Variants in TET3 observed in about 807,000 individuals in gnomAD.
The protein encoded by TET3 is tet methylcytosine dioxygenase 3, also known as methylcytosine dioxygenase TET3.
Under a neutral mutation model 141.4 loss-of-function variants are expected in TET3, and 19 were observed. The observed-to-expected ratio is 0.13, with a 90% CI of 0.09 to 0.20. The LOEUF (loss-of-function observed/expected upper bound fraction) is 0.20. TET3 is among the 10% of genes least tolerant of loss of function. The probability of loss-of-function intolerance (pLI) is 1.00; values close to 1 mark genes in which losing one functional copy is unlikely to be tolerated. For synonymous variants in TET3, 1,043 were observed against 980.9 expected (o/e 1.06, Z -1.18); for missense variants, 1,874 against 2,356.9 (o/e 0.80, Z 4.24).
intron 4 of TET3, among the ~76,000 whole-genome samples, chr2:74,055,706 C>T (rs1017932585): frequency 6.6e-6 from 1 of 152,110 alleles, no homozygotes; most frequent in African/African-American, 2.4e-5. Context: ...GAGAGAGTGG[C>T]CTTTAAGAGG....
At chr2:74,012,361 A>T (rs1235611736) in intron 3 of TET3, among the ~76,000 whole-genome samples, 1 of 152,268 alleles carries the variant, frequency 6.6e-6, no homozygotes, top group Non-Finnish European at 1.5e-5. Context: ...AAATGGAGTC[A>T]TGCTGCATTG....
chr2:74,007,820 T>TGTTTTTC (rs1324327833), intron 3 of TET3, among the ~76,000 whole-genome samples: 3 of 152,236 alleles, frequency 2.0e-5, no homozygotes, highest in Non-Finnish European at 4.4e-5. Flanking sequence ...GTTTGTTTTT[T>TGTTTTTC]GTTTTTCAGT....
At position 74,087,807 on chromosome 2, in the gene TET3, C is replaced by G; in HGVS notation, c.2680-23C>G. ...GGAGCACGGGTACCTGGCTCCTGCC[C>G]CTCACACCCTGCGTCCCTGCAGGTG... On this transcript the variant is annotated intron_variant, in intron 6 of 11. Transcript: ENST00000409262. This position sits in a 1 kb window ranked among gnomAD's most constrained non-coding sequence, Gnocchi z 4.3. 6.5e-7 allele frequency: 1 copy of G among 1,535,412 alleles called. No homozygotes were observed. Among genetic ancestry groups the G allele is most frequent in the Non-Finnish European group, 8.8e-7 (1 of 1,136,984 alleles).
At chr2:74,045,876 G>T in intron 3 of TET3, among the ~76,000 whole-genome samples, 1 of 152,212 alleles carries the variant, frequency 6.6e-6, no homozygotes, top group Non-Finnish European at 1.5e-5. Flanking sequence ...GTACACACAG[G>T]CTTGGTTGGA....
intron 10 of TET3, among the ~76,000 whole-genome samples, chr2:74,094,643 G>A (rs1690701207): frequency 1.3e-5 from 2 of 152,162 alleles, no homozygotes; most frequent in South Asian, 2.1e-4. Flanking sequence ...GGCCAGAGGG[G>A]ACACGGCTTG....
Position 74,105,666 on chromosome 2 carries a change from T to C in TET3, c.*3490T>C, listed in dbSNP as rs1234174438. 2 of 323,926 alleles carry C rather than the reference T, an allele frequency of 6.2e-6. No homozygotes were observed. Among genetic ancestry groups the C allele is most frequent in the Non-Finnish European group, 1.1e-5 (2 of 181,696 alleles). The allele number at this position is 323,926 out of a possible 1,614,324, so 20.1% of individuals were successfully genotyped here. ...TTCCACCAGCCTCTTTTGGGAACAG[T>C]AGTTTGCAGAGCAAGGGATTTTTAA... On this transcript the variant is annotated 3_prime_UTR_variant, in exon 12 of 12. Coordinates refer to ENST00000409262, the MANE Select transcript of TET3 (RefSeq NM_001287491.2).
intron 10 of TET3, among the ~76,000 whole-genome samples, chr2:74,097,309 T>G (rs1572897409): frequency 6.6e-6 from 1 of 151,966 alleles, no homozygotes. Flanking sequence ...CTACAATATT[T>G]GTAACGTGAT....
chr2:74,067,355 C>G (rs1688960148), intron 4 of TET3, among the ~76,000 whole-genome samples: 1 of 152,210 alleles, frequency 6.6e-6, no homozygotes, highest in Non-Finnish European at 1.5e-5. Flanking sequence ...AATTTGCCCA[C>G]AGTCACATAG....
Position 74,090,605 on chromosome 2 carries a change from G to A in TET3, c.3039+558G>A, listed in dbSNP as rs143973974. On this transcript the variant is annotated intron_variant, in intron 8 of 11. Coordinates refer to ENST00000409262, the MANE Select transcript of TET3 (RefSeq NM_001287491.2). ...TCCATACAGTATGACCGCTAGGCAC[G>A]GCACCTTCTCTCTGTAGGCTCCTTA... 4.8e-3 allele frequency among the ~76,000 whole-genome samples: 727 copies of A among 152,308 alleles called. 5 individuals are homozygous for A. The highest frequency in any genetic ancestry group is 0.017 in the African/African-American group (697 of 41,572).
chr2:74,040,134 C>G (rs906507464), intron 3 of TET3, among the ~76,000 whole-genome samples: 1 of 152,088 alleles, frequency 6.6e-6, no homozygotes, highest in Non-Finnish European at 1.5e-5. Context: ...AAGATTGAAG[C>G]CAGGGTGGAC....
intron 4 of TET3, among the ~76,000 whole-genome samples, chr2:74,068,939 C>T (rs1254891652): frequency 6.6e-6 from 1 of 152,110 alleles, no homozygotes; most frequent in Non-Finnish European, 1.5e-5. Flanking sequence ...ATGTGAGTTC[C>T]AGATCTCTCT....
chr2:74,013,142 A>C (rs762111015), intron 3 of TET3, among the ~76,000 whole-genome samples: 4 of 151,876 alleles, frequency 2.6e-5, no homozygotes, highest in Non-Finnish European at 5.9e-5. Context: ...TTACAGGCAC[A>C]TGCCATCATG....
At chr2:74,080,635 C>T in intron 6 of TET3, 44 bp downstream of exon 6, 1 of 1,575,026 alleles carries the variant, frequency 6.3e-7, no homozygotes, top group Non-Finnish European at 8.6e-7. Context: ...TGCCTGGTTC[C>T]CCTTGCTGCA....
chr2:74,053,352 A>G (rs1688050617), intron 4 of TET3, among the ~76,000 whole-genome samples: 1 of 152,178 alleles, frequency 6.6e-6, no homozygotes, highest in Non-Finnish European at 1.5e-5. Flanking sequence ...TAACAGGGAA[A>G]TTCCCAAGAG....
At chr2:74,066,651 G>A (rs1351591275) in intron 4 of TET3, among the ~76,000 whole-genome samples, 3 of 152,174 alleles carry the variant, frequency 2.0e-5, no homozygotes, top group Non-Finnish European at 4.4e-5. Context: ...AGTGGCTTTG[G>A]TTTTGTTTGG....
rs145278717 is a variant in TET3 at position 74,083,009 on chromosome 2, C to T, written c.2679+2418C>T. Reference sequence around the variant, plus strand: ...CCAGGATTTGTGCCTGTGTTTCAGCCTCTCCCTAGCCCCCAGCCATACCTT... The same window carrying T: ...CCAGGATTTGTGCCTGTGTTTCAGCTTCTCCCTAGCCCCCAGCCATACCTT... On this transcript the variant is annotated intron_variant, in intron 6 of 11. Transcript: ENST00000409262. Among the ~76,000 whole-genome samples the T allele has an allele frequency of 1.2e-4, 18 of 152,294 alleles. No individual in the cohort carries two copies. In the East Asian group the frequency reaches 3.5e-3, roughly 29 times the overall value.
chr2:73,990,302 C>T (rs2105076926), intron 2 of TET3, among the ~76,000 whole-genome samples: 1 of 152,228 alleles, frequency 6.6e-6, no homozygotes, highest in East Asian at 1.9e-4. Context: ...TCGCCTGAGC[C>T]CACAGTGGGC....
At chr2:74,052,832 T>A (rs1001671356) in intron 4 of TET3, among the ~76,000 whole-genome samples, 1 of 152,152 alleles carries the variant, frequency 6.6e-6, no homozygotes, top group African/African-American at 2.4e-5. Flanking sequence ...ATCACGCCAC[T>A]GCACTCCAGC....
rs565197532 is a variant in TET3, at chr2:74,007,603, G to A, written c.360+4437G>A. On this transcript the variant is annotated intron_variant, in intron 3 of 11. Coordinates refer to ENST00000409262, the MANE Select transcript of TET3 (RefSeq NM_001287491.2). The stretch of plus-strand genomic sequence containing the variant: ...TCAGGGGGCTTCAGTGAGACCCACT[G>A]ACTGAGAGGAGGAGGGTGAGAAGTG... 6.6e-5 allele frequency among the ~76,000 whole-genome samples: 10 copies of A among 152,304 alleles called. No homozygotes were observed. The East Asian group carries it at 1.9e-3, about 29-fold the overall frequency.
Sources: gnomAD v4.1 joint callset for allele counts (sites outside exome capture counted in the v4.1 genomes callset) on GRCh38, gnomAD v4.1.1 for gene constraint, Gnocchi (gnomAD v3.1) non-coding constraint, MANE v1.5 for transcripts, NCBI Gene and HGNC (gene_info 2026-07-23, HGNC 2026-07-21) for gene names.